The following ATRNL1 variants were observed in gnomAD, a reference collection of about 807,000 sequenced individuals.
ATRNL1 encodes attractin-like protein 1.
A neutral mutation model predicts 182.7 loss-of-function variants in ATRNL1; 95 were observed. That is an observed-to-expected ratio of 0.52 (90% confidence interval 0.44 to 0.62). The LOEUF is 0.62. Among genes scored for constraint, ATRNL1 ranks in the 20% least tolerant of loss-of-function variants. The pLI, the probability that ATRNL1 is intolerant of heterozygous loss-of-function variation, is 0.00. For synonymous variants in ATRNL1, 576 were observed against 568.3 expected, an observed-to-expected ratio of 1.01 and a Z score of -0.19; for missense variants, 1,471 against 1,679.5, an observed-to-expected ratio of 0.88 and a Z score of 2.17.
intron 26 of ATRNL1, among the ~76,000 whole-genome samples, chr10:115,679,188 C>T (rs1029475611): frequency 1.1e-4 from 17 of 152,184 alleles, no homozygotes; most frequent in South Asian, 2.1e-4. Flanking sequence ...GTATGTGTGA[C>T]GGAATATGCC....
intron 28 of ATRNL1, chr10:115,909,610 T>A (rs1484941284): frequency 8.7e-6 from 1 of 115,014 alleles, no homozygotes; most frequent in Non-Finnish European, 1.7e-5. Context: ...TTTTTTCCAC[T>A]TTGATAATGT....
intron 26 of ATRNL1, among the ~76,000 whole-genome samples, chr10:115,609,046 TTTAAA>T (rs1857012970): frequency 6.6e-6 from 1 of 152,052 alleles, no homozygotes; most frequent in Admixed American, 6.6e-5. Flanking sequence ...AATAAATATC[TTTAAA>T]TAAAATATTA....
chr10:115,572,587 T>A lies in ATRNL1; in HGVS notation c.3795+23051T>A, dbSNP rs377602774. Among the ~76,000 whole-genome samples, 10 of 152,228 alleles carry A rather than the reference T, an allele frequency of 6.6e-5. No individual in the cohort carries two copies. In the East Asian group the frequency reaches 1.7e-3, roughly 27 times the overall value. ...TCAAGAGCATCACTTGAGGTAAAGT[T>A]TGCAATGCCTAAAAGAGATTCAAGA... On this transcript the variant is annotated intron_variant, in intron 26 of 28. Coordinates refer to ENST00000355044, the MANE Select transcript of ATRNL1 (RefSeq NM_207303.4).
intron 28 of ATRNL1, among the ~76,000 whole-genome samples, chr10:115,886,783 C>T (rs782198908): frequency 2.0e-5 from 3 of 152,190 alleles, no homozygotes; most frequent in Non-Finnish European, 2.9e-5. Flanking sequence ...TACATTTTCT[C>T]AATTTGGGTT....
chr10:115,161,804 A>G (rs951806762), intron 6 of ATRNL1, among the ~76,000 whole-genome samples: 3 of 152,090 alleles, frequency 2.0e-5, no homozygotes, highest in African/African-American at 7.2e-5. Flanking sequence ...AATACTTTTC[A>G]TCATTCTGAA....
intron 27 of ATRNL1, among the ~76,000 whole-genome samples, chr10:115,837,514 ACACACACACAC>A (rs1555095861): frequency 9.3e-6 from 1 of 107,576 alleles, no homozygotes; most frequent in African/African-American, 4.0e-5. Flanking sequence ...ACACACACAC[ACACACACACAC>A]ACCAGAACAC....
chr10:115,543,374 T>A (rs782374216), intron 25 of ATRNL1, among the ~76,000 whole-genome samples: 2 of 152,198 alleles, frequency 1.3e-5, no homozygotes, highest in Non-Finnish European at 2.9e-5. Context: ...TGTTAATATG[T>A]TCGTTTGTAA....
chr10:115,348,123 G>A (rs1405692872), intron 19 of ATRNL1, among the ~76,000 whole-genome samples: 3 of 152,006 alleles, frequency 2.0e-5, no homozygotes, highest in Non-Finnish European at 4.4e-5. Flanking sequence ...ACAGGCACGC[G>A]CCACTGCACC....
intron 18 of ATRNL1, among the ~76,000 whole-genome samples, chr10:115,327,148 A>C (rs1309885722): frequency 6.6e-6 from 1 of 151,904 alleles, no homozygotes; most frequent in Non-Finnish European, 1.5e-5. Flanking sequence ...TGAACAGGCA[A>C]CCTACAAAAT....
At chr10:115,094,131 C>A in intron 1 of ATRNL1, 88 bp downstream of exon 1, 2 of 1,223,050 alleles carry the variant, frequency 1.6e-6, no homozygotes. Context: ...TCCCCCGCCC[C>A]CGTCGCTGCC....
chr10:115,328,839 ACACT>A (rs1215145674), intron 18 of ATRNL1, among the ~76,000 whole-genome samples: 2 of 151,790 alleles, frequency 1.3e-5, no homozygotes, highest in Non-Finnish European at 2.9e-5. Context: ...TTGTTTATTC[ACACT>A]TTCTTTATCC....
chr10:115,835,524 T>C (rs1429233767), intron 27 of ATRNL1, among the ~76,000 whole-genome samples: 9 of 152,054 alleles, frequency 5.9e-5, no homozygotes, highest in Non-Finnish European at 7.4e-5. Flanking sequence ...TATGGGAGAA[T>C]TGGGAAAGGC....
At chr10:115,798,890 G>A (rs1449026527) in intron 27 of ATRNL1, among the ~76,000 whole-genome samples, 2 of 146,486 alleles carry the variant, frequency 1.4e-5, no homozygotes, top group Non-Finnish European at 3.0e-5. Flanking sequence ...GCAGTGGCGC[G>A]ATCTCAGCTC....
intron 27 of ATRNL1, among the ~76,000 whole-genome samples, chr10:115,746,706 C>G (rs1948302245): frequency 6.6e-6 from 1 of 152,002 alleles, no homozygotes; most frequent in South Asian, 2.1e-4. Context: ...AAGTGCATAA[C>G]AGGTTTTAAT....
At chr10:115,161,681 T>G (rs189130761) in intron 6 of ATRNL1, among the ~76,000 whole-genome samples, 1 of 152,248 alleles carries the variant, frequency 6.6e-6, no homozygotes, top group East Asian at 1.9e-4. Flanking sequence ...CCAGATAAAC[T>G]ATTTAAGCCA....
chr10:115,833,047 G>T (rs1203729566), intron 27 of ATRNL1, among the ~76,000 whole-genome samples: 2 of 151,966 alleles, frequency 1.3e-5, no homozygotes, highest in African/African-American at 4.8e-5. Context: ...GAAAAAAAAA[G>T]AAATTCAAAT....
At chr10:115,930,831 T>C (rs1953373730) in intron 28 of ATRNL1, among the ~76,000 whole-genome samples, 2 of 152,204 alleles carry the variant, frequency 1.3e-5, no homozygotes, top group Non-Finnish European at 2.9e-5. Flanking sequence ...GGTAGCCCTT[T>C]GGCACTGAGG....
intron 27 of ATRNL1, among the ~76,000 whole-genome samples, chr10:115,769,576 G>A (rs1179719652): frequency 6.6e-6 from 1 of 152,132 alleles, no homozygotes; most frequent in Non-Finnish European, 1.5e-5. Flanking sequence ...GTACATTGTA[G>A]TAACGGGCTA....
chr10:115,829,851 C>T (rs1427329907), intron 27 of ATRNL1, among the ~76,000 whole-genome samples: 2 of 152,118 alleles, frequency 1.3e-5, no homozygotes, highest in Admixed American at 6.6e-5. Flanking sequence ...CATTTACAAA[C>T]ACAGCAATGC....
Sources: gnomAD v4.1 joint callset for allele counts (sites outside exome capture counted in the v4.1 genomes callset) on GRCh38, gnomAD v4.1.1 for gene constraint, MANE v1.5 for transcripts, NCBI Gene and HGNC (gene_info 2026-07-23, HGNC 2026-07-21) for gene names.